IMPG2: variants seen among roughly 807,000 people sequenced by gnomAD.
The protein encoded by IMPG2 is interphotoreceptor matrix proteoglycan 2, also known as IPM 200.
A neutral mutation model predicts 129.2 loss-of-function variants in IMPG2; 91 were observed. The ratio of observed to expected loss-of-function variants is 0.70; its 90% CI spans 0.59 to 0.84. The LOEUF (loss-of-function observed/expected upper bound fraction) is 0.84. IMPG2 is among the 40% of genes least tolerant of loss of function. IMPG2 has a pLI of 0.00. For synonymous variants in IMPG2, 510 were observed against 517.7 expected, an observed-to-expected ratio of 0.99 and a Z score of 0.20; for missense variants, 1,430 against 1,461.7, an observed-to-expected ratio of 0.98 and a Z score of 0.35.
chr3:101,309,811 C>G (rs1375577356), intron 2 of IMPG2, among the ~76,000 whole-genome samples: 1 of 152,038 alleles, frequency 6.6e-6, no homozygotes, highest in Non-Finnish European at 1.5e-5. Context: ...ACCCAAGTAT[C>G]CATCAATAGA....
intron 11 of IMPG2, among the ~76,000 whole-genome samples, chr3:101,251,239 T>C (rs1258968751): frequency 6.6e-6 from 1 of 152,196 alleles, no homozygotes; most frequent in African/African-American, 2.4e-5. Flanking sequence ...TCAGTATATC[T>C]GTAAACAAAA....
At chr3:101,261,724 C>T (rs1037628401) in intron 9 of IMPG2, among the ~76,000 whole-genome samples, 3 of 152,034 alleles carry the variant, frequency 2.0e-5, no homozygotes, top group African/African-American at 7.2e-5. Context: ...ATCACTGTGA[C>T]TCAGAACAGA....
intron 2 of IMPG2, among the ~76,000 whole-genome samples, chr3:101,308,795 A>G (rs1707231972): frequency 1.3e-5 from 2 of 152,174 alleles, no homozygotes; most frequent in Non-Finnish European, 2.9e-5. Flanking sequence ...CAGGCTGCAA[A>G]TTTTCTAAAC....
intron 6 of IMPG2, 104 bp downstream of exon 6, chr3:101,275,559 G>A: frequency 2.4e-6 from 2 of 836,608 alleles, no homozygotes; most frequent in Non-Finnish European, 4.1e-6. Context: ...TTTCTAACAG[G>A]ACACTACATG....
Position 101,244,343 on chromosome 3 carries a change from T to C in IMPG2, c.1988A>G (p.Lys663Arg). The change falls in exon 13 of 19, where the codon AAG becomes AGG. Residue 663 changes from lysine to arginine, a missense_variant. Transcript: ENST00000193391. ...GTCATCATGTTCATATTTTGAGTGCTTACTAATTTGGTCTGTGGAATCCAT... is the reference window on the plus strand; with the variant it reads ...GTCATCATGTTCATATTTTGAGTGCCTACTAATTTGGTCTGTGGAATCCAT... ...DKMDSTDQIS[K>R]HSKYEHDDRS... 1 of 1,614,110 alleles carries C rather than the reference T, an allele frequency of 6.2e-7. No individual in the cohort carries two copies. The highest frequency in any genetic ancestry group is 8.5e-7 in the Non-Finnish European group (1 of 1,179,988).
chr3:101,275,528 G>T, intron 6 of IMPG2, 135 bp downstream of exon 6: 1 of 708,828 alleles, frequency 1.4e-6, no homozygotes, highest in Non-Finnish European at 2.5e-6. Context: ...TTAATGTACT[G>T]GTTTTAGGAT....
chr3:101,284,196 G>T, intron 4 of IMPG2, among the ~76,000 whole-genome samples: 1 of 152,322 alleles, frequency 6.6e-6, no homozygotes, highest in South Asian at 2.1e-4. Context: ...AATTGGGTTG[G>T]GGGCATGGGA....
intron 8 of IMPG2, among the ~76,000 whole-genome samples, chr3:101,268,942 G>A (rs1002556586): frequency 1.3e-5 from 2 of 152,080 alleles, no homozygotes; most frequent in East Asian, 1.9e-4. Flanking sequence ...ATCCTGAGAG[G>A]GCTGAAGATT....
chr3:101,309,408 C>T (rs1262952176), intron 2 of IMPG2, among the ~76,000 whole-genome samples: 2 of 152,136 alleles, frequency 1.3e-5, no homozygotes, highest in African/African-American at 4.8e-5. Context: ...CCTCAGGAAA[C>T]TTACAATCAT....
At position 101,259,781 on chromosome 3, in the gene IMPG2, G is replaced by C. The variant is rs555263085; in HGVS notation, c.909-2008C>G. Among the ~76,000 whole-genome samples, 8 of 152,186 alleles carry C rather than the reference G, an allele frequency of 5.3e-5. No individual in the cohort carries two copies. In the South Asian group the frequency reaches 1.7e-3, roughly 32 times the overall value. On this transcript the variant is annotated intron_variant, in intron 9 of 18. Coordinates refer to ENST00000193391, the MANE Select transcript of IMPG2 (RefSeq NM_016247.4). ...TTGTGAAATAGATCCCTAGATTGGAGATGGCTACAATAAGCTATCATGGCT... is the reference window on the plus strand; with the variant it reads ...TTGTGAAATAGATCCCTAGATTGGACATGGCTACAATAAGCTATCATGGCT...
intron 14 of IMPG2, among the ~76,000 whole-genome samples, 197 bp downstream of exon 14, chr3:101,242,491 C>A (rs550633603): frequency 6.6e-6 from 1 of 151,992 alleles, no homozygotes; most frequent in Non-Finnish European, 1.5e-5. Context: ...CATGTTTGGA[C>A]GATGTTTTGA....
At chr3:101,300,924 A>T (rs78799562) in intron 3 of IMPG2, among the ~76,000 whole-genome samples, 5,376 of 152,210 alleles carry the variant, frequency 0.035, 334 homozygotes, top group African/African-American at 0.12. Flanking sequence ...TCCTCACTAT[A>T]CTTAATCATT....
At chr3:101,241,879 A>G (rs1706411873) in intron 14 of IMPG2, among the ~76,000 whole-genome samples, 1 of 152,020 alleles carries the variant, frequency 6.6e-6, no homozygotes, top group Non-Finnish European at 1.5e-5. Context: ...AATACAAAAA[A>G]TTAGCCAGGT....
In IMPG2 at chr3:101,267,526, G is replaced by A; in HGVS notation, c.893C>T (p.Pro298Leu). ...KEIRVLEFRSPKENDSGVDVY... is the reference protein window; with the variant it reads ...KEIRVLEFRSLKENDSGVDVY... Reference sequence around the variant, plus strand: ...CAAAAAGTACCTGTCATTTTCCTTGGGGGACCTGAAAACAAAAATTAAAAA... The same window carrying A: ...CAAAAAGTACCTGTCATTTTCCTTGAGGGACCTGAAAACAAAAATTAAAAA... The change falls in exon 9 of 19, where the codon CCC becomes CTC. Residue 298 changes from proline to leucine, a missense_variant. By Grantham distance (98) the Pro-to-Leu change is moderately conservative. Coordinates refer to ENST00000193391, the MANE Select transcript of IMPG2 (RefSeq NM_016247.4). The A allele has an allele frequency of 1.2e-6, 2 of 1,611,086 alleles. No homozygotes were observed. Among genetic ancestry groups the A allele is most frequent in the African/African-American group, 1.3e-5 (1 of 74,954 alleles).
chr3:101,314,238 A>T (rs1016049809), intron 2 of IMPG2, among the ~76,000 whole-genome samples: 1 of 152,132 alleles, frequency 6.6e-6, no homozygotes, highest in Non-Finnish European at 1.5e-5. Flanking sequence ...AAAAACAAAC[A>T]GCCAATAAAC....
rs543584889 is a variant in IMPG2, at chr3:101,246,133, T to A, written c.1240-28A>T. ...GGGGGGAAAAAAAGGCTAAATCATA[T>A]CATAGATAAAAGAAACATATAAAAA... On this transcript the variant is annotated intron_variant, in intron 11 of 18. Coordinates refer to ENST00000193391, the MANE Select transcript of IMPG2 (RefSeq NM_016247.4). 4.4e-6 allele frequency: 7 copies of A among 1,607,846 alleles called. No individual in the cohort carries two copies. In the East Asian group the frequency reaches 1.1e-4, roughly 26 times the overall value.
intron 11 of IMPG2, among the ~76,000 whole-genome samples, chr3:101,253,030 C>A (rs1015641442): frequency 6.6e-6 from 1 of 151,982 alleles, no homozygotes; most frequent in African/African-American, 2.4e-5. Context: ...TTAAACTATG[C>A]TGTTTCTTTT....
At chr3:101,284,607 T>C (rs927945394) in intron 4 of IMPG2, among the ~76,000 whole-genome samples, 3 of 152,104 alleles carry the variant, frequency 2.0e-5, no homozygotes, top group Admixed American at 6.5e-5. Context: ...GGAGAATGCA[T>C]AAATATCCTT....
At chr3:101,311,686 C>T (rs1333197557) in intron 2 of IMPG2, among the ~76,000 whole-genome samples, 1 of 152,144 alleles carries the variant, frequency 6.6e-6, no homozygotes, top group African/African-American at 2.4e-5. Context: ...TACATGCTGA[C>T]TTCTTTGTAG....
Sources: gnomAD v4.1 joint callset for allele counts (sites outside exome capture counted in the v4.1 genomes callset) on GRCh38, gnomAD v4.1.1 for gene constraint, MANE v1.5 for transcripts, NCBI Gene and HGNC (gene_info 2026-07-23, HGNC 2026-07-21) for gene names.